The following ST6GALNAC3 variants were observed in gnomAD, a reference collection of about 807,000 sequenced individuals.
ST6GALNAC3 encodes ST6 N-acetylgalactosaminide alpha-2,6-sialyltransferase 3, also known as alpha-N-acetylgalactosaminide alpha-2,6-sialyltransferase 3.
ST6GALNAC3 carries 25 observed loss-of-function variants against 32.7 expected under a neutral mutation model. That is an observed-to-expected ratio of 0.76 (90% CI 0.56 to 1.07). The LOEUF is 1.07. ST6GALNAC3 is among the 50% of genes least tolerant of loss of function. The pLI is 0.00. For missense variants in ST6GALNAC3, 355 were observed against 382.4 expected (o/e 0.93, Z 0.60); for synonymous variants, 129 against 133.1 (o/e 0.97, Z 0.21).
rs1287354315 is a variant in ST6GALNAC3, at chr1:76,184,529, A to G, written c.18+109645A>G. ...ATTCCCTCCTGGGCAGCACACACAC[A>G]CACACACACACACACACACACACAC... On this transcript the variant is annotated intron_variant, in intron 1 of 4. Coordinates refer to ENST00000328299, the MANE Select transcript of ST6GALNAC3 (RefSeq NM_152996.4). Among the ~76,000 whole-genome samples, 458 of 135,832 alleles carry G rather than the reference A, an allele frequency of 3.4e-3. 3 individuals carry two copies. Among genetic ancestry groups the G allele is most frequent in the African/African-American group, 0.012 (427 of 34,454 alleles). 89.1% of individuals were successfully genotyped at this position (135,832 alleles called of 152,430 possible).
chr1:76,423,698 C>G (rs1341265803), intron 3 of ST6GALNAC3, among the ~76,000 whole-genome samples: 1 of 151,956 alleles, frequency 6.6e-6, no homozygotes, highest in Non-Finnish European at 1.5e-5. Context: ...ATAACTCATG[C>G]AAAGGCACTA....
chr1:76,259,182 C>T (rs1192809464), intron 1 of ST6GALNAC3, among the ~76,000 whole-genome samples: 1 of 152,064 alleles, frequency 6.6e-6, no homozygotes, highest in Non-Finnish European at 1.5e-5. Flanking sequence ...CAGGTGAAAA[C>T]ATTAGAATGC....
intron 1 of ST6GALNAC3, among the ~76,000 whole-genome samples, chr1:76,156,922 G>T (rs191386412): frequency 6.6e-6 from 1 of 152,162 alleles, no homozygotes; most frequent in Non-Finnish European, 1.5e-5. Flanking sequence ...TAGTACAGAC[G>T]GGGTTTCACC....
chr1:76,126,715 T>G (rs1557637880), intron 1 of ST6GALNAC3, among the ~76,000 whole-genome samples: 1 of 152,280 alleles, frequency 6.6e-6, no homozygotes, highest in East Asian at 1.9e-4. Flanking sequence ...TGCAGTTCCA[T>G]TCCCATGTTA....
At chr1:76,221,450 A>G (rs1557706522) in intron 1 of ST6GALNAC3, among the ~76,000 whole-genome samples, 2 of 152,080 alleles carry the variant, frequency 1.3e-5, no homozygotes, top group Admixed American at 6.6e-5. Context: ...CAAGGTAGAC[A>G]TTTGAGATTA....
In ST6GALNAC3 at chr1:76,130,367, G is replaced by A. The variant is rs142914605; in HGVS notation, c.18+55483G>A. 7.9e-5 allele frequency among the ~76,000 whole-genome samples: 12 copies of A among 152,288 alleles called. No individual in the cohort carries two copies. The East Asian group carries it at 9.7e-4, about 12-fold the overall frequency. On this transcript the variant is annotated intron_variant, in intron 1 of 4. Transcript: ENST00000328299. ...CCCGTGGGCTAATTGTTCTCTTCCA[G>A]TTTCAGGTAAGAATGGCTCTCCATG...
chr1:76,238,035 A>T (rs1382889305), intron 1 of ST6GALNAC3, among the ~76,000 whole-genome samples: 2 of 152,220 alleles, frequency 1.3e-5, no homozygotes, highest in Non-Finnish European at 2.9e-5. Context: ...CAAACTGTCC[A>T]ACAAGCCTGG....
chr1:76,516,283 T>C (rs1479246905), intron 3 of ST6GALNAC3, among the ~76,000 whole-genome samples: 1 of 152,220 alleles, frequency 6.6e-6, no homozygotes, highest in African/African-American at 2.4e-5. Context: ...ATTATAGATA[T>C]ACATACATAC....
At chr1:76,220,947 G>A (rs761812665) in intron 1 of ST6GALNAC3, among the ~76,000 whole-genome samples, 3 of 152,170 alleles carry the variant, frequency 2.0e-5, no homozygotes, top group Non-Finnish European at 2.9e-5. Flanking sequence ...GGTAACAGTT[G>A]TCACATAGGT....
intron 1 of ST6GALNAC3, among the ~76,000 whole-genome samples, chr1:76,303,538 A>G (rs1211259499): frequency 6.6e-6 from 1 of 152,100 alleles, no homozygotes; most frequent in South Asian, 2.1e-4. Flanking sequence ...AGCTTTGTAA[A>G]GTACTTGGCA....
intron 3 of ST6GALNAC3, among the ~76,000 whole-genome samples, chr1:76,503,720 A>G (rs1231314339): frequency 6.6e-6 from 1 of 152,162 alleles, no homozygotes; most frequent in Admixed American, 6.5e-5. Flanking sequence ...TAGCAATAGT[A>G]GTAGTAGTAA....
At chr1:76,599,717 C>CGTGTGTGTGTGTGT (rs5775354) in intron 3 of ST6GALNAC3, among the ~76,000 whole-genome samples, 3 of 142,028 alleles carry the variant, frequency 2.1e-5, no homozygotes, top group African/African-American at 7.7e-5. Context: ...ACTACCGTAT[C>CGTGTGTGTGTGTGT]GTGTGTGTGT....
In ST6GALNAC3 at chr1:76,211,387, A is replaced by G. The variant is rs533530426; in HGVS notation, c.19-102418A>G. Among the ~76,000 whole-genome samples the G allele has an allele frequency of 3.9e-5, 6 of 152,326 alleles. No individual in the cohort carries two copies. In the South Asian group the frequency reaches 1.0e-3, roughly 26 times the overall value. On this transcript the variant is annotated intron_variant, in intron 1 of 4. Coordinates refer to ENST00000328299, the MANE Select transcript of ST6GALNAC3 (RefSeq NM_152996.4). ...GTGGAAGTCAGTGTGGCGATTCCTC[A>G]GGGATCTAGAACTAGAAACACCATT...
chr1:76,190,942 C>T (rs1570378905), intron 1 of ST6GALNAC3, among the ~76,000 whole-genome samples: 1 of 152,200 alleles, frequency 6.6e-6, no homozygotes, highest in Non-Finnish European at 1.5e-5. Context: ...GGTCTGCAGA[C>T]TGGCCACATC....
chr1:76,380,601 G>T (rs1424894940), intron 2 of ST6GALNAC3, among the ~76,000 whole-genome samples: 1 of 152,156 alleles, frequency 6.6e-6, no homozygotes, highest in Non-Finnish European at 1.5e-5. Context: ...TATTGTATAT[G>T]TCATGGAACA....
chr1:76,307,827 G>A (rs937441398), intron 1 of ST6GALNAC3: 20 of 477,990 alleles, frequency 4.2e-5, no homozygotes, highest in South Asian at 2.8e-4. Flanking sequence ...TGCTAGGTCC[G>A]GATCTTTGCA....
At chr1:76,370,572 C>T (rs927655990) in intron 2 of ST6GALNAC3, among the ~76,000 whole-genome samples, 4 of 151,998 alleles carry the variant, frequency 2.6e-5, no homozygotes, top group African/African-American at 4.8e-5. Flanking sequence ...GTGACTTGTT[C>T]GGGGTACCTG....
intron 2 of ST6GALNAC3, among the ~76,000 whole-genome samples, chr1:76,357,116 T>A (rs990605508): frequency 6.5e-5 from 8 of 122,340 alleles, no homozygotes; most frequent in African/African-American, 2.5e-4. Flanking sequence ...AGTTTTCTTT[T>A]TTCTTTTCTT....
Position 76,479,047 on chromosome 1 carries a change from C to G in ST6GALNAC3, c.623+66630C>G, listed in dbSNP as rs115910089. Among the ~76,000 whole-genome samples the G allele has an allele frequency of 6.9e-3, 1,054 of 152,096 alleles. 13 individuals are homozygous for G. Among genetic ancestry groups the G allele is most frequent in the East Asian group, 0.043 (224 of 5,156 alleles). Reference sequence around the variant, plus strand: ...CAAAGTGCTGGGATTACAGGCGTAACCCACCATGCTCTGCCTTATTAATTT... The same window carrying G: ...CAAAGTGCTGGGATTACAGGCGTAAGCCACCATGCTCTGCCTTATTAATTT... On this transcript the variant is annotated intron_variant, in intron 3 of 4. Transcript: ENST00000328299.
Sources: allele counts gnomAD v4.1 joint callset (sites outside exome capture counted in the v4.1 genomes callset), GRCh38; gene constraint gnomAD v4.1.1; transcripts MANE v1.5; gene names NCBI Gene and HGNC (gene_info 2026-07-23, HGNC 2026-07-21).